The following MEFV variants were observed in gnomAD, a reference collection of about 807,000 sequenced individuals.
MEFV encodes pyrin.
MEFV carries 60 observed loss-of-function variants against 62.5 expected under a neutral mutation model. That is an observed-to-expected ratio of 0.96 (90% CI 0.78 to 1.19). The LOEUF (loss-of-function observed/expected upper bound fraction) is 1.19, where lower values mean the gene tolerates loss of function less well. MEFV is among the 50% of genes most tolerant of loss of function. MEFV has a pLI of 0.00. For missense variants in MEFV, 1,169 were observed against 1,004.5 expected (o/e 1.16, Z -2.21); for synonymous variants, 500 against 415.2 (o/e 1.20, Z -2.48).
At chr16:3,251,313 G>C (rs1045703615) in intron 2 of MEFV, among the ~76,000 whole-genome samples, 4 of 152,156 alleles carry the variant, frequency 2.6e-5, no homozygotes, top group African/African-American at 9.7e-5. Flanking sequence ...AAATGGAGGT[G>C]TCACAAGCAG....
At chr16:3,246,582 G>A (rs1958946257) in intron 5 of MEFV, 35 bp from the exon 6 acceptor site, 1 of 1,613,704 alleles carries the variant, frequency 6.2e-7, no homozygotes, top group Non-Finnish European at 8.5e-7. Context: ...TCGGTTACCA[G>A]GCTCCTAGTG....
At position 3,242,304 on chromosome 16, in the gene MEFV, C is replaced by CAGT. The variant is rs34895148; in HGVS notation, c.*836_*837insACT. 0.59 allele frequency: 90,944 copies of CAGT among 153,210 alleles called. 27,376 individuals carry two copies. The highest frequency in any genetic ancestry group is 0.71 in the South Asian group (5,447 of 7,712). 9.5% of individuals were successfully genotyped at this position (153,210 alleles called of 1,614,324 possible). A position where few individuals can be genotyped will look rare whatever the true frequency, so the allele number is the denominator to read the frequency against. ...TCTTGAACCTGGGAGGCGGAGGTTG[C>CAGT]GAGCCAAGATTGCACCACTGCACTC... On this transcript the variant is annotated 3_prime_UTR_variant, in exon 10 of 10. Transcript: ENST00000219596.
intron 6 of MEFV, 77 bp downstream of exon 6, chr16:3,246,448 C>T: frequency 6.4e-7 from 1 of 1,555,478 alleles, no homozygotes. Flanking sequence ...ATCTCCCTCC[C>T]AGGTCCCTTC....
chr16:3,243,758 C>A, intron 9 of MEFV, 64 bp from the exon 10 acceptor site: 1 of 1,609,264 alleles, frequency 6.2e-7, no homozygotes, highest in East Asian at 2.2e-5. Context: ...GGGTTCTCCC[C>A]ACCTGCAGGA....
Position 3,247,222 on chromosome 16 carries a change from G to C in MEFV, c.1381C>G (p.Arg461Gly), listed in dbSNP as rs1213998022. The change falls in exon 5 of 10, where the codon CGG becomes GGG. Residue 461 changes from arginine (R) to glycine (G), a missense_variant. Coordinates refer to ENST00000219596, the MANE Select transcript of MEFV (RefSeq NM_000243.3). ...FLKQTEALKQ[R>G]VQRKLEQVYY... is the part of the protein sequence containing the mutation. ...ACCTGCTCCAGCTTCCTCTGCACCCGCTGCTTCAGCGCTTCAGTTTGTTTC... is the reference window on the plus strand; with the variant it reads ...ACCTGCTCCAGCTTCCTCTGCACCCCCTGCTTCAGCGCTTCAGTTTGTTTC... The C allele has an allele frequency of 6.2e-7, 1 of 1,614,136 alleles. No individual in the cohort carries two copies. Among genetic ancestry groups the C allele is most frequent in the African/African-American group, 1.3e-5 (1 of 75,032 alleles).
rs776366341 is a variant in MEFV, at chr16:3,256,387, C to A, written c.201G>T (p.Val67=). 7 of 1,613,908 alleles carry A rather than the reference C, an allele frequency of 4.3e-6. No homozygotes were observed. In the African/African-American group the frequency reaches 9.3e-5, roughly 22 times the overall value. Residue 67 remains valine, a synonymous_variant, in exon 1 of 10, where the codon GTG becomes GTT. Coordinates refer to ENST00000219596, the MANE Select transcript of MEFV (RefSeq NM_000243.3). ...LVTYYGEEYA[V]QLTLQVLRAI... is the part of the protein sequence containing the mutation. ...CCCGCAGGACCTGCAGGGTGAGCTGCACGGCGTACTCTTCCCCATAGTAGG... is the reference window on the plus strand; with the variant it reads ...CCCGCAGGACCTGCAGGGTGAGCTGAACGGCGTACTCTTCCCCATAGTAGG...
chr16:3,253,250 G>C (rs1247800402), intron 2 of MEFV, among the ~76,000 whole-genome samples: 1 of 152,048 alleles, frequency 6.6e-6, no homozygotes, highest in Non-Finnish European at 1.5e-5. Flanking sequence ...TAAGGCTAAA[G>C]GTCCCTCCCC....
chr16:3,245,715 G>A (rs906839519), intron 6 of MEFV, among the ~76,000 whole-genome samples: 1 of 152,112 alleles, frequency 6.6e-6, no homozygotes, highest in Non-Finnish European at 1.5e-5. Context: ...GCCCCTGTGT[G>A]CTGCTGGTGG....
In MEFV at chr16:3,244,525, T is replaced by A. The variant is rs747471997; in HGVS notation, c.1674A>T (p.Gln558His). 1.2e-6 allele frequency: 2 copies of A among 1,614,120 alleles called. No homozygotes were observed. Among genetic ancestry groups the A allele is most frequent in the Non-Finnish European group, 8.5e-7 (1 of 1,180,012 alleles). Reference sequence around the variant, plus strand: ...CAAACTCTGACTTCTGGTGGAGGAGTTGGATCTTTTGTTTTATCTCTTGAG... The same window carrying A: ...CAAACTCTGACTTCTGGTGGAGGAGATGGATCTTTTGTTTTATCTCTTGAG... ...TTPQEIKQKI[Q>H]LLHQKSEFVE... Residue 558 changes from glutamine (Q) to histidine (H), a missense_variant, in exon 7 of 10, where the codon CAA (glutamine) becomes CAT (histidine). Gln to His is a conservative substitution (Grantham distance 24). Coordinates refer to ENST00000219596, the MANE Select transcript of MEFV (RefSeq NM_000243.3).
At position 3,254,698 on chromosome 16, in the gene MEFV, G is replaced by C; in HGVS notation, c.370C>G (p.Pro124Ala). 6.2e-7 allele frequency: 1 copy of C among 1,612,714 alleles called. No homozygotes were observed. Among genetic ancestry groups the C allele is most frequent in the East Asian group, 2.2e-5 (1 of 44,882 alleles). Reference protein sequence around the residue: ...KPRSLKTPDHPEGNEGNGPRP... With the variant: ...KPRSLKTPDHAEGNEGNGPRP... ...GGGCCGTTCCCCTCGTTCCCCTCGGGGTGGTCTGGAGTCTTCAGGCTCCTG... is the reference window on the plus strand; with the variant it reads ...GGGCCGTTCCCCTCGTTCCCCTCGGCGTGGTCTGGAGTCTTCAGGCTCCTG... Residue 124 changes from proline (P) to alanine (A), a missense_variant, in exon 2 of 10, where the codon CCC becomes GCC. Coordinates refer to ENST00000219596, the MANE Select transcript of MEFV (RefSeq NM_000243.3).
chr16:3,254,031 G>A (rs1016293225), intron 2 of MEFV, 127 bp downstream of exon 2: 2 of 1,045,096 alleles, frequency 1.9e-6, no homozygotes, highest in African/African-American at 3.1e-5. Context: ...TGGTCTCAAA[G>A]TCTTGGCCTC....
intron 8 of MEFV, 134 bp from the exon 9 acceptor site, chr16:3,244,026 C>A: frequency 6.4e-7 from 1 of 1,553,848 alleles, no homozygotes; most frequent in African/African-American, 1.4e-5. Context: ...TGGGTATAAT[C>A]CCGTTCCTCC....
intron 1 of MEFV, 130 bp downstream of exon 1, chr16:3,256,181 A>T (rs1392797929): frequency 8.1e-6 from 9 of 1,112,332 alleles, no homozygotes; most frequent in African/African-American, 1.5e-5. Flanking sequence ...AACTAAAGTC[A>T]TCTGGATTTT....
intron 1 of MEFV, 128 bp from the exon 2 acceptor site, chr16:3,254,918 C>A: frequency 1.3e-6 from 2 of 1,484,372 alleles, no homozygotes; most frequent in Non-Finnish European, 1.8e-6. Flanking sequence ...GGGCCGGGCG[C>A]GGTGGCTCAT....
intron 4 of MEFV, 91 bp from the exon 5 acceptor site, chr16:3,247,337 G>A: frequency 1.8e-6 from 2 of 1,124,574 alleles, no homozygotes; most frequent in Non-Finnish European, 2.7e-6. Context: ...TCCTGGAGGT[G>A]GATAAGAGGT....
chr16:3,244,209 C>T, intron 8 of MEFV, 45 bp downstream of exon 8: 5 of 1,613,524 alleles, frequency 3.1e-6, no homozygotes, highest in Non-Finnish European at 4.2e-6. Flanking sequence ...CAAGGGAACA[C>T]TGCAACAACC....
chr16:3,254,714 C>T lies in MEFV; in HGVS notation c.354G>A (p.Leu118=). Residue 118 remains leucine, a synonymous_variant, in exon 2 of 10, where the codon CTG becomes CTA. Transcript: ENST00000219596. ...SSLGENKPRS[L]KTPDHPEGNE... is the part of the protein sequence containing the mutation. ...TCCCCTCGGGGTGGTCTGGAGTCTT[C>T]AGGCTCCTGGGCTTGTTCTCCCCCA... 1 of 1,612,864 alleles carries T rather than the reference C, an allele frequency of 6.2e-7. No homozygotes were observed. The highest frequency in any genetic ancestry group is 8.5e-7 in the Non-Finnish European group (1 of 1,180,014).
chr16:3,243,058 C>T lies in MEFV; in HGVS notation c.*83G>A, dbSNP rs1254385672. On this transcript the variant is annotated 3_prime_UTR_variant, in exon 10 of 10. Coordinates refer to ENST00000219596, the MANE Select transcript of MEFV (RefSeq NM_000243.3). ...TTTTTGCATTTCCCATAGCAGCTAG[C>T]ACCTAGTCGGCATTCCGTGACTATT... The T allele has an allele frequency of 6.8e-7, 1 of 1,475,416 alleles. No individual in the cohort carries two copies. The highest frequency in any genetic ancestry group is 9.5e-7 in the Non-Finnish European group (1 of 1,057,990). 91.4% of individuals were successfully genotyped at this position (1,475,416 alleles called of 1,614,324 possible). A position where few individuals can be genotyped will look rare whatever the true frequency, so the allele number is the denominator to read the frequency against.
chr16:3,254,322 G>A lies in MEFV; in HGVS notation c.746C>T (p.Thr249Ile). Reference protein sequence around the residue: ...RPRSLEVTISTGEKAPANPEI... With the variant: ...RPRSLEVTISIGEKAPANPEI... ...TGGATTTGCGGGCGCCTTCTCCCCT[G>A]TAGAAATGGTGACCTCAAGGCTTCT... is the stretch of plus-strand genomic sequence containing the variant. The change falls in exon 2 of 10, where the codon ACA becomes ATA. Residue 249 changes from threonine to isoleucine, a missense_variant. By Grantham distance (89) the Thr-to-Ile change is moderately conservative. Transcript: ENST00000219596. 6 of 1,614,232 alleles carry A rather than the reference G, an allele frequency of 3.7e-6. No individual in the cohort carries two copies. The highest frequency in any genetic ancestry group is 5.1e-6 in the Non-Finnish European group (6 of 1,180,040).
Sources: allele counts gnomAD v4.1 joint callset (sites outside exome capture counted in the v4.1 genomes callset), GRCh38; gene constraint gnomAD v4.1.1; transcripts MANE v1.5; gene names NCBI Gene and HGNC (gene_info 2026-07-23, HGNC 2026-07-21).